LRP1B: variants seen among roughly 807,000 people sequenced by gnomAD.
The protein encoded by LRP1B is LDL receptor related protein 1B.
Under a neutral mutation model 556.6 loss-of-function variants are expected in LRP1B, and 217 were observed. The observed-to-expected ratio is 0.39, with a 90% CI of 0.35 to 0.44. The LOEUF is 0.44. Ranked by LOEUF, LRP1B falls within the 20% of genes least tolerant of loss-of-function variation. The pLI is 1.00. For synonymous variants in LRP1B, 2,047 were observed against 1,865.8 expected, an observed-to-expected ratio of 1.10 and a Z score of -2.50; for missense variants, 5,053 against 5,620.8, an observed-to-expected ratio of 0.90 and a Z score of 3.23.
intron 7 of LRP1B, among the ~76,000 whole-genome samples, chr2:141,184,635 CA>C (rs1320044325): frequency 6.6e-6 from 1 of 150,524 alleles, no homozygotes; most frequent in Non-Finnish European, 1.5e-5. Context: ...TCCATTACTT[CA>C]GATGTTCATT....
chr2:140,383,289 TGTGC>T (rs1165420715), intron 67 of LRP1B, among the ~76,000 whole-genome samples: 1 of 139,220 alleles, frequency 7.2e-6, no homozygotes, highest in African/African-American at 2.7e-5. Context: ...AGGACAGTGA[TGTGC>T]GTGTGTGTGT....
intron 86 of LRP1B, among the ~76,000 whole-genome samples, chr2:140,250,973 A>G (rs929094160): frequency 6.6e-6 from 1 of 151,830 alleles, no homozygotes; most frequent in Non-Finnish European, 1.5e-5. Flanking sequence ...TACCTGGAGT[A>G]TGCTTATTTA....
At chr2:140,939,752 C>T (rs1695340110) in intron 20 of LRP1B, among the ~76,000 whole-genome samples, 1 of 151,604 alleles carries the variant, frequency 6.6e-6, no homozygotes, top group South Asian at 2.1e-4. Flanking sequence ...CAGATGTCCC[C>T]TCAACATGAA....
chr2:142,033,623 G>A (rs1703778433), intron 1 of LRP1B, among the ~76,000 whole-genome samples: 1 of 151,606 alleles, frequency 6.6e-6, no homozygotes, highest in African/African-American at 2.4e-5. Context: ...AAGCAGACTG[G>A]TCATAGTTGT....
intron 3 of LRP1B, among the ~76,000 whole-genome samples, chr2:141,274,735 T>A (rs1010927607): frequency 3.3e-5 from 5 of 152,180 alleles, no homozygotes; most frequent in Non-Finnish European, 7.3e-5. Context: ...CCATTATTTT[T>A]AAATCACATA....
rs1328862045 is a variant in LRP1B, at chr2:141,111,358, C to T, written c.1014-49085G>A. Among the ~76,000 whole-genome samples the T allele has an allele frequency of 5.7e-5, 3 of 52,198 alleles. No homozygotes were observed. The Admixed American group carries it at 6.9e-4, about 12-fold the overall frequency. The allele number at this position is 52,198 out of a possible 152,430, so 34.2% of individuals were successfully genotyped here. A position where few individuals can be genotyped will look rare whatever the true frequency, so the allele number is the denominator to read the frequency against. ...AAATAGCAAACAAGTACAGTTAATC[C>T]TCATTATTCAGATTTCATATTTGCA... On this transcript the variant is annotated intron_variant, in intron 7 of 90. Transcript: ENST00000389484.
At chr2:141,217,236 A>G (rs753740363) in intron 6 of LRP1B, among the ~76,000 whole-genome samples, 2 of 152,134 alleles carry the variant, frequency 1.3e-5, no homozygotes, top group Non-Finnish European at 2.9e-5. Flanking sequence ...CTCAAGATCT[A>G]GTGATCTAAA....
chr2:141,531,490 C>A (rs1684869714), intron 2 of LRP1B, among the ~76,000 whole-genome samples: 1 of 151,998 alleles, frequency 6.6e-6, no homozygotes, highest in Non-Finnish European at 1.5e-5. Flanking sequence ...GTGTCATGTA[C>A]AATGGAAGCT....
chr2:141,744,942 T>C (rs919776038), intron 2 of LRP1B, among the ~76,000 whole-genome samples: 1 of 152,196 alleles, frequency 6.6e-6, no homozygotes, highest in African/African-American at 2.4e-5. Flanking sequence ...TGTTGACTCG[T>C]AGAGGTACTA....
At chr2:141,853,459 A>C (rs1197717093) in intron 1 of LRP1B, among the ~76,000 whole-genome samples, 2 of 151,832 alleles carry the variant, frequency 1.3e-5, no homozygotes, top group African/African-American at 4.8e-5. Flanking sequence ...ATTTTCAAGT[A>C]CTGCACTCTA....
Position 140,886,105 on chromosome 2 carries a change from T to C in LRP1B, c.3964+33A>G, listed in dbSNP as rs767960221. 33 of 1,339,416 alleles carry C rather than the reference T, an allele frequency of 2.5e-5. No individual in the cohort carries two copies. The South Asian group carries it at 3.4e-4, about 14-fold the overall frequency. 83.0% of individuals were successfully genotyped at this position (1,339,416 alleles called of 1,614,324 possible). On this transcript the variant is annotated intron_variant, in intron 24 of 90. Transcript: ENST00000389484. Reference sequence around the variant, plus strand: ...TTTGAATTTTCACTTAAAAAAGTAATCTAAACATTAAGAAAAATTATAATA... The same window carrying C: ...TTTGAATTTTCACTTAAAAAAGTAACCTAAACATTAAGAAAAATTATAATA...
At chr2:140,666,390 G>A (rs1685277119) in intron 41 of LRP1B, among the ~76,000 whole-genome samples, 1 of 151,900 alleles carries the variant, frequency 6.6e-6, no homozygotes, top group South Asian at 2.1e-4. Flanking sequence ...CTCGGCTTTT[G>A]ATGAGATGAT....
chr2:141,903,401 A>G (rs1699676220), intron 1 of LRP1B, among the ~76,000 whole-genome samples: 1 of 151,952 alleles, frequency 6.6e-6, no homozygotes, highest in Admixed American at 6.6e-5. Context: ...CTTTCACTCC[A>G]TCTCATGAAA....
rs535663174 is a variant in LRP1B, at chr2:141,160,647, G to A, written c.1013+27774C>T. The stretch of plus-strand genomic sequence containing the variant: ...CCTTATGCTGACTTGGAAAAAAAAA[G>A]CCAATTTCAAAAAGTTTTTAACCAT... On this transcript the variant is annotated intron_variant, in intron 7 of 90. Coordinates refer to ENST00000389484, the MANE Select transcript of LRP1B (RefSeq NM_018557.3). Among the ~76,000 whole-genome samples, 3 of 151,730 alleles carry A rather than the reference G, an allele frequency of 2.0e-5. No homozygotes were observed. The East Asian group carries it at 5.8e-4, about 29-fold the overall frequency.
At chr2:141,987,401 G>T (rs1702225017) in intron 1 of LRP1B, among the ~76,000 whole-genome samples, 1 of 151,880 alleles carries the variant, frequency 6.6e-6, no homozygotes, top group African/African-American at 2.4e-5. Flanking sequence ...CCTTCTATAA[G>T]TGCAAATTTC....
At chr2:140,841,855 A>G (rs1692115218) in intron 29 of LRP1B, among the ~76,000 whole-genome samples, 1 of 152,340 alleles carries the variant, frequency 6.6e-6, no homozygotes, top group South Asian at 2.1e-4. Flanking sequence ...TAAAGGATAA[A>G]TGCAGAAAAT....
At chr2:141,528,378 A>G (rs1204203219) in intron 2 of LRP1B, among the ~76,000 whole-genome samples, 1 of 152,006 alleles carries the variant, frequency 6.6e-6, no homozygotes, top group Non-Finnish European at 1.5e-5. Context: ...TGCTATTCAT[A>G]GAATATCACC....
chr2:140,938,721 TA>T lies in LRP1B; in HGVS notation c.3136+11513del, dbSNP rs1695303696. ...TACTTACTGTGAGGATTAAATGAAGTAACAAATATAAAATGTCGGACAATTA... is the reference window on the plus strand; with the variant it reads ...TACTTACTGTGAGGATTAAATGAAGTACAAATATAAAATGTCGGACAATTA... On this transcript the variant is annotated intron_variant, in intron 20 of 90. Transcript: ENST00000389484. Among the ~76,000 whole-genome samples, 3 of 152,186 alleles carry T rather than the reference TA, an allele frequency of 2.0e-5. No homozygotes were observed. In the South Asian group the frequency reaches 6.2e-4, roughly 32 times the overall value.
chr2:142,061,274 T>C (rs1304235333), intron 1 of LRP1B, among the ~76,000 whole-genome samples: 1 of 151,902 alleles, frequency 6.6e-6, no homozygotes, highest in African/African-American at 2.4e-5. Context: ...CAATATTTAG[T>C]TTTTGGAATG....
Sources: gnomAD v4.1 joint callset for allele counts (sites outside exome capture counted in the v4.1 genomes callset) on GRCh38, gnomAD v4.1.1 for gene constraint, MANE v1.5 for transcripts, NCBI Gene and HGNC (gene_info 2026-07-23, HGNC 2026-07-21) for gene names.